Variants in CCDC15 observed in about 807,000 individuals in gnomAD.
CCDC15 encodes coiled-coil domain containing 15.
In CCDC15, 105 loss-of-function variants were observed where a neutral mutation model predicts 114.5. The ratio of observed to expected loss-of-function variants is 0.92; its 90% CI spans 0.78 to 1.08. The LOEUF (loss-of-function observed/expected upper bound fraction) is 1.08, where lower values mean the gene tolerates loss of function less well. CCDC15 is among the 50% of genes least tolerant of loss of function. The pLI is 0.00. For missense variants in CCDC15, 1,105 were observed against 1,093.6 expected (o/e 1.01, Z -0.15); for synonymous variants, 334 against 377.8 (o/e 0.88, Z 1.34).
chr11:124,980,443 T>A (rs967434314), intron 6 of CCDC15, among the ~76,000 whole-genome samples: 11 of 152,228 alleles, frequency 7.2e-5, no homozygotes, highest in Admixed American at 6.5e-4. Flanking sequence ...TAATTCATTT[T>A]AAGAACGTGT....
intron 11 of CCDC15, among the ~76,000 whole-genome samples, chr11:125,003,171 CTTAAT>C (rs1287917395): frequency 3.3e-5 from 5 of 151,842 alleles, no homozygotes; most frequent in South Asian, 4.1e-4. Flanking sequence ...TAAATTTTTT[CTTAAT>C]TTACTTTCTA....
chr11:124,998,252 T>C (rs1261132853), intron 11 of CCDC15, among the ~76,000 whole-genome samples: 1 of 152,226 alleles, frequency 6.6e-6, no homozygotes, highest in African/African-American at 2.4e-5. Context: ...GGGACAGTTG[T>C]AGTGCTGACC....
At chr11:124,989,184 G>A (rs1948228081) in intron 8 of CCDC15, among the ~76,000 whole-genome samples, 1 of 152,158 alleles carries the variant, frequency 6.6e-6, no homozygotes, top group African/African-American at 2.4e-5. Flanking sequence ...TGTTGTGTTA[G>A]CAGCCATGAA....
intron 13 of CCDC15, among the ~76,000 whole-genome samples, chr11:125,018,537 A>T (rs543863892): frequency 1.3e-5 from 2 of 152,034 alleles, no homozygotes; most frequent in Non-Finnish European, 2.9e-5. Flanking sequence ...GGTTAAGAAC[A>T]TGGGGAGATA....
chr11:125,016,034 G>A, intron 13 of CCDC15, among the ~76,000 whole-genome samples: 1 of 152,164 alleles, frequency 6.6e-6, no homozygotes, highest in East Asian at 1.9e-4. Context: ...ATTCCAAGAT[G>A]TTAAAGAATT....
chr11:125,022,871 C>A (rs1354370134), intron 13 of CCDC15, among the ~76,000 whole-genome samples: 1 of 151,884 alleles, frequency 6.6e-6, no homozygotes, highest in East Asian at 1.9e-4. Flanking sequence ...TTGAGTCAGT[C>A]ATATTTCTTA....
Position 124,975,103 on chromosome 11 carries a change from A to G in CCDC15, c.524A>G (p.Glu175Gly), listed in dbSNP as rs1176046343. The change falls in exon 5 of 16, where the codon GAA (glutamate) becomes GGA (glycine). Residue 175 changes from glutamate (E) to glycine (G), a missense_variant. Transcript: ENST00000344762. ...LFQQQAQALS[E>G]TMKQARHRLA... is the part of the protein sequence containing the mutation. The stretch of plus-strand genomic sequence containing the variant: ...TCCCCCTTTCCCTGGCAGCTTAGTG[A>G]AACTATGAAACAGGCACGTCACCGG... The G allele has an allele frequency of 1.3e-6, 2 of 1,578,316 alleles. No individual in the cohort carries two copies. The highest frequency in any genetic ancestry group is 2.8e-5 in the African/African-American group (2 of 72,278).
intron 2 of CCDC15, among the ~76,000 whole-genome samples, chr11:124,957,841 A>G (rs181894682): frequency 6.6e-6 from 1 of 152,340 alleles, no homozygotes; most frequent in East Asian, 1.9e-4. Flanking sequence ...CTTCAGAATT[A>G]GAAGTTGGAA....
chr11:125,018,979 A>T (rs1182016333), intron 13 of CCDC15, among the ~76,000 whole-genome samples: 4 of 152,018 alleles, frequency 2.6e-5, no homozygotes, highest in African/African-American at 9.7e-5. Flanking sequence ...TCATGAAAGA[A>T]TGTGACACCT....
rs1947968195 is a variant in CCDC15 at position 124,976,096 on chromosome 11, TTA to T, written c.630+889_630+890del. Among the ~76,000 whole-genome samples, 5 of 151,776 alleles carry T rather than the reference TTA, an allele frequency of 3.3e-5. No homozygotes were observed. The South Asian group carries it at 1.0e-3, about 31-fold the overall frequency. On this transcript the variant is annotated intron_variant, in intron 5 of 15. Coordinates refer to ENST00000344762, the MANE Select transcript of CCDC15 (RefSeq NM_025004.3). ...GACCATTAATTTATTTTTTAATAAA[TTA>T]TGTTTTTTTGCCAATAAATATGTTA...
rs1321993853 is a variant in CCDC15 at position 124,982,334 on chromosome 11, G to A, written c.754-4408G>A. ...TGTGCAGATTTGATCCTGTCATCATGTTGTTAGCTGGTTATACAGACTTGT... is the reference window on the plus strand; with the variant it reads ...TGTGCAGATTTGATCCTGTCATCATATTGTTAGCTGGTTATACAGACTTGT... On this transcript the variant is annotated intron_variant, in intron 6 of 15. Transcript: ENST00000344762. 2.6e-5 allele frequency among the ~76,000 whole-genome samples: 4 copies of A among 152,156 alleles called. No individual in the cohort carries two copies. In the East Asian group the frequency reaches 7.7e-4, roughly 29 times the overall value.
intron 6 of CCDC15, among the ~76,000 whole-genome samples, chr11:124,986,102 G>A (rs1381635247): frequency 2.0e-5 from 3 of 152,110 alleles, no homozygotes; most frequent in African/African-American, 7.2e-5. Context: ...AGCATCACCT[G>A]TTGAAAACAC....
At chr11:124,976,783 C>T (rs1947981368) in intron 5 of CCDC15, among the ~76,000 whole-genome samples, 1 of 152,072 alleles carries the variant, frequency 6.6e-6, no homozygotes. Flanking sequence ...GAGATAACAT[C>T]TTTGTATAAA....
chr11:125,002,127 C>T (rs1389516373), intron 11 of CCDC15, among the ~76,000 whole-genome samples: 1 of 152,070 alleles, frequency 6.6e-6, no homozygotes, highest in Non-Finnish European at 1.5e-5. Flanking sequence ...TCTCACTGTA[C>T]TTTTGATTTG....
chr11:124,988,214 G>T, intron 8 of CCDC15, 80 bp downstream of exon 8: 1 of 1,403,298 alleles, frequency 7.1e-7, no homozygotes, highest in Non-Finnish European at 9.7e-7. Flanking sequence ...AGGACTGCAA[G>T]TATACCTTGG....
At chr11:125,029,344 G>A (rs568815824) in intron 13 of CCDC15, among the ~76,000 whole-genome samples, 1 of 152,156 alleles carries the variant, frequency 6.6e-6, no homozygotes, top group African/African-American at 2.4e-5. Context: ...GAGATCATAC[G>A]TAATCTTCAA....
intron 4 of CCDC15, among the ~76,000 whole-genome samples, chr11:124,967,168 T>C (rs1403633071): frequency 6.6e-6 from 1 of 152,188 alleles, no homozygotes; most frequent in Non-Finnish European, 1.5e-5. Context: ...ATTTCCTGAA[T>C]TTAAAGGTTG....
intron 15 of CCDC15, among the ~76,000 whole-genome samples, chr11:125,040,126 A>G (rs1378027199): frequency 6.6e-6 from 1 of 151,336 alleles, no homozygotes; most frequent in African/African-American, 2.4e-5. Context: ...GCTCACTGCA[A>G]CCTCTGCCTC....
chr11:124,972,764 A>G (rs1947907258), intron 4 of CCDC15, among the ~76,000 whole-genome samples: 1 of 152,088 alleles, frequency 6.6e-6, no homozygotes. Context: ...GTCTGCTGGC[A>G]TTCCTTTTCT....
Sources: gnomAD v4.1 joint callset for allele counts (sites outside exome capture counted in the v4.1 genomes callset) on GRCh38, gnomAD v4.1.1 for gene constraint, MANE v1.5 for transcripts, NCBI Gene and HGNC (gene_info 2026-07-23, HGNC 2026-07-21) for gene names.